Variants in CFAP61 observed in about 807,000 individuals in gnomAD.
CFAP61 encodes the protein cilia and flagella associated protein 61.
Under a neutral mutation model 135.6 loss-of-function variants are expected in CFAP61, and 107 were observed. The observed-to-expected ratio is 0.79, with a 90% CI of 0.67 to 0.93. The LOEUF is 0.93. CFAP61 is among the 40% of genes least tolerant of loss of function. The probability of loss-of-function intolerance (pLI) is 0.00; values close to 1 mark genes in which losing one functional copy is unlikely to be tolerated. For missense variants in CFAP61, 1,507 were observed against 1,556.2 expected (o/e 0.97, Z 0.53); for synonymous variants, 575 against 578.5 (o/e 0.99, Z 0.09).
intron 10 of CFAP61, 112 bp from the exon 11 acceptor site, chr20:20,163,938 A>G (rs2053610245): frequency 1.3e-6 from 1 of 798,038 alleles, no homozygotes; most frequent in Non-Finnish European, 1.9e-6. Context: ...TTCGGGTGAC[A>G]GTCACACCTG....
At chr20:20,184,605 A>G (rs939643525) in intron 13 of CFAP61, 8 of 152,424 alleles carry the variant, frequency 5.2e-5, no homozygotes, top group African/African-American at 1.7e-4. Flanking sequence ...GAACAGGCTC[A>G]TAGATTTGCT....
intron 20 of CFAP61, among the ~76,000 whole-genome samples, chr20:20,259,245 CTTTTTTT>C (rs3060665): frequency 2.6e-5 from 2 of 75,982 alleles, no homozygotes; most frequent in Admixed American, 1.8e-4. Flanking sequence ...GCCCTTCCAT[CTTTTTTT>C]TTTTTTTTTT....
At chr20:20,108,343 A>G (rs1222434952) in intron 8 of CFAP61, among the ~76,000 whole-genome samples, 1 of 152,194 alleles carries the variant, frequency 6.6e-6, no homozygotes, top group Admixed American at 6.5e-5. Context: ...AATTTCACTA[A>G]GCTTAATCAT....
At chr20:20,174,321 T>C (rs2054447386) in intron 13 of CFAP61, among the ~76,000 whole-genome samples, 1 of 152,136 alleles carries the variant, frequency 6.6e-6, no homozygotes, top group Admixed American at 6.5e-5. Flanking sequence ...CTGTAGCTTC[T>C]CTGAGTGCCA....
At chr20:20,306,396 A>AT (rs2056480031) in intron 25 of CFAP61, among the ~76,000 whole-genome samples, 1 of 152,128 alleles carries the variant, frequency 6.6e-6, no homozygotes, top group Admixed American at 6.5e-5. Context: ...TCGGATTGAG[A>AT]TTTTTTATGG....
At chr20:20,287,873 A>G (rs2054710641) in intron 22 of CFAP61, among the ~76,000 whole-genome samples, 1 of 152,256 alleles carries the variant, frequency 6.6e-6, no homozygotes, top group Non-Finnish European at 1.5e-5. Context: ...CCAGATGAGC[A>G]TGAGAAAGCA....
At chr20:20,211,974 A>G (rs906059634) in intron 17 of CFAP61, among the ~76,000 whole-genome samples, 1 of 152,096 alleles carries the variant, frequency 6.6e-6, no homozygotes, top group African/African-American at 2.4e-5. Flanking sequence ...TAAAAAATGG[A>G]TTTGAGTATT....
intron 11 of CFAP61, among the ~76,000 whole-genome samples, chr20:20,164,924 G>A (rs1181008775): frequency 2.0e-5 from 3 of 152,126 alleles, no homozygotes; most frequent in African/African-American, 7.2e-5. Flanking sequence ...AAGTGAAAGG[G>A]GTTTCCCCTT....
chr20:20,201,040 C>A, intron 17 of CFAP61: 3 of 800,508 alleles, frequency 3.7e-6, no homozygotes, highest in Non-Finnish European at 4.5e-6. Context: ...TAAAGCAGGA[C>A]TTCTCAATCT....
Position 20,169,341 on chromosome 20 carries a change from T to A in CFAP61, c.1266T>A (p.Ile422=), listed in dbSNP as rs1324858966. ...SLFSDKNFCV[I]SLPHLTPEFF... ...GTTAGGATAAGAACTTCTGTGTAAT[T>A]TCTCTGCCCCATCTCACCCCCGAGT... Residue 422 remains isoleucine, a synonymous_variant, in exon 13 of 27, where the codon ATT becomes ATA. Coordinates refer to ENST00000245957, the MANE Select transcript of CFAP61 (RefSeq NM_015585.4). 1.2e-6 allele frequency: 2 copies of A among 1,613,896 alleles called. No individual in the cohort carries two copies. Among genetic ancestry groups the A allele is most frequent in the East Asian group, 4.5e-5 (2 of 44,876 alleles).
At chr20:20,255,190 C>A (rs983516086) in intron 20 of CFAP61, among the ~76,000 whole-genome samples, 12 of 152,188 alleles carry the variant, frequency 7.9e-5, no homozygotes, top group African/African-American at 2.7e-4. Flanking sequence ...CAATGTTGAT[C>A]ATTTTTGTTG....
chr20:20,093,154 A>G (rs73605575), intron 7 of CFAP61, among the ~76,000 whole-genome samples: 17,160 of 152,272 alleles, frequency 0.11, 2,084 homozygotes, highest in East Asian at 0.66. Flanking sequence ...AAGCACTGAT[A>G]CATGCTACAG....
At chr20:20,075,379 T>C in intron 5 of CFAP61, 110 bp from the exon 6 acceptor site, 1 of 1,392,658 alleles carries the variant, frequency 7.2e-7, no homozygotes, top group Non-Finnish European at 9.8e-7. Context: ...CATGTGCATA[T>C]TTTATTAGAA....
At position 20,217,403 on chromosome 20, in the gene CFAP61, G is replaced by A. The variant is rs201877642; in HGVS notation, c.1933-10846G>A. Among the ~76,000 whole-genome samples, 16 of 152,272 alleles carry A rather than the reference G, an allele frequency of 1.1e-4. 2 individuals are homozygous for A. The South Asian group carries it at 2.7e-3, about 26-fold the overall frequency. On this transcript the variant is annotated intron_variant, in intron 17 of 26. Coordinates refer to ENST00000245957, the MANE Select transcript of CFAP61 (RefSeq NM_015585.4). ...CATTAGAAATTTAAAATAGAGTCGCGCATGTTAGCTTGCTCACAGGACACA... is the reference window on the plus strand; with the variant it reads ...CATTAGAAATTTAAAATAGAGTCGCACATGTTAGCTTGCTCACAGGACACA...
intron 25 of CFAP61, among the ~76,000 whole-genome samples, chr20:20,311,701 A>G (rs898545632): frequency 3.3e-5 from 5 of 152,126 alleles, no homozygotes; most frequent in African/African-American, 1.2e-4. Flanking sequence ...GCACAGAGAG[A>G]GAAGCTTGGA....
Position 20,149,080 on chromosome 20 carries a change from G to A in CFAP61, c.951+6132G>A, listed in dbSNP as rs541968261. ...CAAAACCACTACTGACCGATTTGGC[G>A]TAATTGACATATATAAAATACTTCA... is the stretch of plus-strand genomic sequence containing the variant. On this transcript the variant is annotated intron_variant, in intron 9 of 26. Transcript: ENST00000245957. Among the ~76,000 whole-genome samples the A allele has an allele frequency of 7.2e-5, 11 of 152,254 alleles. No homozygotes were observed. In the South Asian group the frequency reaches 1.0e-3, roughly 14 times the overall value.
At chr20:20,354,070 TAA>T in intron 26 of CFAP61, among the ~76,000 whole-genome samples, 1 of 152,286 alleles carries the variant, frequency 6.6e-6, no homozygotes, top group East Asian at 1.9e-4. Context: ...GAAATGAACC[TAA>T]GTGTTCATCA....
intron 20 of CFAP61, among the ~76,000 whole-genome samples, chr20:20,255,728 A>G (rs548712908): frequency 3.9e-5 from 6 of 152,228 alleles, no homozygotes; most frequent in Non-Finnish European, 8.8e-5. Flanking sequence ...GAGAATGATT[A>G]CAGGGGAAAA....
At chr20:20,352,371 C>T (rs900215346) in intron 26 of CFAP61, among the ~76,000 whole-genome samples, 1 of 152,176 alleles carries the variant, frequency 6.6e-6, no homozygotes, top group East Asian at 1.9e-4. Flanking sequence ...ATAGTTCGCC[C>T]CCATGATCCA....
Sources: gnomAD v4.1 joint callset for allele counts (sites outside exome capture counted in the v4.1 genomes callset) on GRCh38, gnomAD v4.1.1 for gene constraint, MANE v1.5 for transcripts, NCBI Gene and HGNC (gene_info 2026-07-23, HGNC 2026-07-21) for gene names.